PCDHGA7: variants seen among roughly 807,000 people sequenced by gnomAD.
PCDHGA7 encodes the protein protocadherin gamma-A7.
In PCDHGA7, 44 loss-of-function variants were observed where a neutral mutation model predicts 58.3. That is an observed-to-expected ratio of 0.75 (90% CI 0.59 to 0.97). PCDHGA7 has a LOEUF of 0.97. PCDHGA7 is among the 50% of genes least tolerant of loss of function. The pLI is 0.00. For missense variants in PCDHGA7, 1,266 were observed against 1,188.7 expected (o/e 1.06, Z -0.96); for synonymous variants, 516 against 504.2 (o/e 1.02, Z -0.31).
intron 1 of PCDHGA7, chr5:141,417,999 TG>T: frequency 6.2e-7 from 1 of 1,613,838 alleles, no homozygotes; most frequent in Non-Finnish European, 8.5e-7. Context: ...GGCTCGGTGG[TG>T]GGGAACCTCG....
Position 141,487,252 on chromosome 5 carries a change from G to T in PCDHGA7, c.2425-7555G>T. ...GAGAATCTCGTCTAACCCTCTACTT[G>T]GCTGTGTCCCTAGTGGCAATTTGCT... On this transcript the variant is annotated intron_variant, in intron 1 of 3. Transcript: ENST00000518325. The surrounding 1 kb of genome is among the most constrained non-coding windows in gnomAD (Gnocchi z 5.0). 1 of 1,614,110 alleles carries T rather than the reference G, an allele frequency of 6.2e-7. No homozygotes were observed. The highest frequency in any genetic ancestry group is 8.5e-7 in the Non-Finnish European group (1 of 1,180,014).
intron 1 of PCDHGA7, chr5:141,396,354 C>T (rs1285916157): frequency 6.6e-6 from 1 of 152,456 alleles, no homozygotes; most frequent in East Asian, 1.9e-4. Context: ...TGCGGTGGCT[C>T]ACGCCTGTAA....
intron 1 of PCDHGA7, among the ~76,000 whole-genome samples, chr5:141,425,967 G>A (rs1021171082): frequency 2.0e-5 from 3 of 152,214 alleles, no homozygotes; most frequent in Non-Finnish European, 4.4e-5. Flanking sequence ...CAACACATCA[G>A]TCTAATTCTG....
chr5:141,387,570 A>G, intron 1 of PCDHGA7: 1 of 455,170 alleles, frequency 2.2e-6, no homozygotes, highest in South Asian at 4.2e-5. Flanking sequence ...CACAATTATA[A>G]TTATTGCACT....
At chr5:141,498,971 G>GGGAGGGAAGGAAGGAAGGAAGGAA (rs2099787588) in intron 2 of PCDHGA7, among the ~76,000 whole-genome samples, 6 of 110,972 alleles carry the variant, frequency 5.4e-5, no homozygotes, top group Admixed American at 5.3e-4. Flanking sequence ...GAGGGAGGGA[G>GGGAGGGAAGGAAGGAAGGAAGGAA]GGAAGGAAGG....
chr5:141,435,372 T>C (rs2097759153), intron 1 of PCDHGA7, among the ~76,000 whole-genome samples: 1 of 152,216 alleles, frequency 6.6e-6, no homozygotes, highest in African/African-American at 2.4e-5. Context: ...CACTTAAATA[T>C]ACAATATACC....
chr5:141,407,704 T>C (rs977444941), intron 1 of PCDHGA7, among the ~76,000 whole-genome samples: 5 of 152,144 alleles, frequency 3.3e-5, no homozygotes, highest in Admixed American at 1.3e-4. Context: ...TTGTTGAAGG[T>C]GGGGTGATGG....
At chr5:141,393,138 C>G (rs2092688516) in intron 1 of PCDHGA7, 1 of 1,613,196 alleles carries the variant, frequency 6.2e-7, no homozygotes, top group Non-Finnish European at 8.5e-7. Flanking sequence ...TATTAACACC[C>G]TGGTTGAGGA....
At chr5:141,393,259 G>A in intron 1 of PCDHGA7, 1 of 1,613,874 alleles carries the variant, frequency 6.2e-7, no homozygotes, top group Non-Finnish European at 8.5e-7. Context: ...GCGGTTCCTG[G>A]AGCACGTTAT....
intron 2 of PCDHGA7, among the ~76,000 whole-genome samples, chr5:141,503,085 C>T (rs1284066265): frequency 6.6e-6 from 1 of 152,044 alleles, no homozygotes; most frequent in Non-Finnish European, 1.5e-5. Context: ...GATCTCCTGA[C>T]CTCGTGGTCT....
rs1248983040 is a variant in PCDHGA7, at chr5:141,476,937, G to T, written c.2425-17870G>T. 3.1e-6 allele frequency: 5 copies of T among 1,614,186 alleles called. No homozygotes were observed. Among genetic ancestry groups the T allele is most frequent in the Non-Finnish European group, 4.2e-6 (5 of 1,180,050 alleles). The stretch of plus-strand genomic sequence containing the variant: ...GTCCTTGCAACGGATCTGGATGAAG[G>T]CCCCAACGGTGAAATTATTTACTCC... On this transcript the variant is annotated intron_variant, in intron 1 of 3. Coordinates refer to ENST00000518325, the MANE Select transcript of PCDHGA7 (RefSeq NM_018920.4). This position sits in a 1 kb window ranked among gnomAD's most constrained non-coding sequence, Gnocchi z 7.6.
chr5:141,404,083 G>A (rs761560113), intron 1 of PCDHGA7: 7 of 1,613,736 alleles, frequency 4.3e-6, no homozygotes, highest in Admixed American at 3.3e-5. Context: ...GAGACTCCGG[G>A]AAGAATGGTC....
intron 1 of PCDHGA7, chr5:141,400,192 G>T (rs1411721247): frequency 6.2e-7 from 1 of 1,614,088 alleles, no homozygotes; most frequent in South Asian, 1.1e-5. Flanking sequence ...GTTTTACCTA[G>T]TGGTGGCCTT....
At chr5:141,419,620 G>A (rs776986192) in intron 1 of PCDHGA7, 9 of 1,612,304 alleles carry the variant, frequency 5.6e-6, no homozygotes, top group Non-Finnish European at 7.6e-6. Context: ...CAGGCTACCT[G>A]GTGACCAAGG....
At chr5:141,419,552 C>T in intron 1 of PCDHGA7, 1 of 1,612,014 alleles carries the variant, frequency 6.2e-7, no homozygotes, top group Non-Finnish European at 8.5e-7. Flanking sequence ...GGTGCTGTAC[C>T]CTGCGCTGGG....
At chr5:141,448,058 C>G (rs2098560499) in intron 1 of PCDHGA7, among the ~76,000 whole-genome samples, 2 of 151,936 alleles carry the variant, frequency 1.3e-5, no homozygotes, top group Non-Finnish European at 2.9e-5. Flanking sequence ...TGCTCTCCAG[C>G]CTGGGCAACA....
intron 1 of PCDHGA7, chr5:141,410,112 C>T (rs775292594): frequency 1.9e-6 from 3 of 1,612,566 alleles, no homozygotes; most frequent in East Asian, 4.5e-5. Context: ...GACAGGGACG[C>T]AGCCCGCCAG....
At chr5:141,439,571 G>T (rs1010967112) in intron 1 of PCDHGA7, among the ~76,000 whole-genome samples, 4 of 152,154 alleles carry the variant, frequency 2.6e-5, no homozygotes, top group Non-Finnish European at 4.4e-5. Flanking sequence ...CTAGAGTAGG[G>T]ACTCAGAGTG....
intron 3 of PCDHGA7, 44 bp downstream of exon 3, chr5:141,505,525 G>C: frequency 1.2e-6 from 2 of 1,612,490 alleles, no homozygotes; most frequent in Non-Finnish European, 1.7e-6. Flanking sequence ...GAGACCTGGG[G>C]TTCTGGGGTG....
Sources: gnomAD v4.1 joint callset for allele counts (sites outside exome capture counted in the v4.1 genomes callset) on GRCh38, gnomAD v4.1.1 for gene constraint, Gnocchi (gnomAD v3.1) non-coding constraint, MANE v1.5 for transcripts, NCBI Gene and HGNC (gene_info 2026-07-23, HGNC 2026-07-21) for gene names.